Variants in MBNL3 observed in about 807,000 individuals in gnomAD.
The protein encoded by MBNL3 is muscleblind like splicing regulator 3.
In MBNL3, 6 loss-of-function variants were observed where a neutral mutation model predicts 24.5. That is an observed-to-expected ratio of 0.25 (90% CI 0.13 to 0.48). The LOEUF (loss-of-function observed/expected upper bound fraction) is 0.48. Ranked by LOEUF, MBNL3 falls within the 20% of genes least tolerant of loss-of-function variation. MBNL3 has a pLI of 0.99. For synonymous variants in MBNL3, 100 were observed against 101.7 expected, an observed-to-expected ratio of 0.98 and a Z score of 0.10; for missense variants, 230 against 293.5, an observed-to-expected ratio of 0.78 and a Z score of 1.58.
intron 1 of MBNL3, among the ~76,000 whole-genome samples, chrX:132,448,675 C>A (rs1418041208): frequency 9.0e-6 from 1 of 111,476 alleles, no homozygotes; most frequent in African/African-American, 3.3e-5. Context: ...TACTTGTCTT[C>A]TGCTAGCTTT....
rs1341861777 is a variant in MBNL3 at position 132,376,329 on chromosome X, A to G, written c.*3337T>C. 1 of 112,152 alleles carries G rather than the reference A, an allele frequency of 8.9e-6. No individual in the cohort carries two copies. Among genetic ancestry groups the G allele is most frequent in the Non-Finnish European group, 1.9e-5 (1 of 53,098 alleles). The allele number at this position is 112,152 out of a possible 1,213,427, so 9.2% of individuals were successfully genotyped here. ...ACAAAAGTAAATACTGTATTTAAAT[A>G]GCAATTTTATGAATCCATTTATTTT... On this transcript the variant is annotated 3_prime_UTR_variant, in exon 9 of 9. Transcript: ENST00000370853.
At chrX:132,480,823 C>T (rs1425445482) in intron 1 of MBNL3, among the ~76,000 whole-genome samples, 1 of 111,781 alleles carries the variant, frequency 8.9e-6, no homozygotes, top group Non-Finnish European at 1.9e-5. Flanking sequence ...TCAGCAATCA[C>T]TATTGTGTAA....
chrX:132,382,844 G>A lies in MBNL3; in HGVS notation c.959-572C>T, dbSNP rs191606064. Among the ~76,000 whole-genome samples, 6 of 111,830 alleles carry A rather than the reference G, an allele frequency of 5.4e-5. No homozygotes were observed. In the Admixed American group the frequency reaches 5.7e-4, roughly 11 times the overall value. On this transcript the variant is annotated intron_variant, in intron 7 of 8. Transcript: ENST00000370853. ...TAGACTGGTTGGTATGTGGTAGGGG[G>A]GCAGATATGAAGAATACAGTGGACT...
chrX:132,398,334 C>T (rs993943025), intron 3 of MBNL3, among the ~76,000 whole-genome samples: 2 of 111,481 alleles, frequency 1.8e-5, no homozygotes, highest in African/African-American at 6.5e-5. Flanking sequence ...AAATGATTGA[C>T]ACTTATAAGC....
chrX:132,432,180 A>G (rs1015692026), intron 2 of MBNL3: 2 of 111,600 alleles, frequency 1.8e-5, no homozygotes, highest in Non-Finnish European at 3.8e-5. Flanking sequence ...ATGTATATAT[A>G]TAATATCTAT....
At chrX:132,483,496 A>G (rs1298056649) in intron 1 of MBNL3, among the ~76,000 whole-genome samples, 1 of 112,290 alleles carries the variant, frequency 8.9e-6, no homozygotes, top group African/African-American at 3.2e-5. Flanking sequence ...AATATTCTAC[A>G]GGGTGCTTTT....
intron 5 of MBNL3, among the ~76,000 whole-genome samples, chrX:132,387,876 C>T (rs1476061447): frequency 8.9e-6 from 1 of 112,075 alleles, no homozygotes; most frequent in Non-Finnish European, 1.9e-5. Context: ...TTCATGTCTA[C>T]AGTTCTTTCA....
At chrX:132,427,466 A>G (rs1268280130) in intron 2 of MBNL3, among the ~76,000 whole-genome samples, 2 of 112,009 alleles carry the variant, frequency 1.8e-5, no homozygotes, top group African/African-American at 6.5e-5. Flanking sequence ...TAAGTGGAAC[A>G]ACTCCTAGGA....
At chrX:132,445,500 T>A (rs1042213019) in intron 1 of MBNL3, among the ~76,000 whole-genome samples, 2 of 111,480 alleles carry the variant, frequency 1.8e-5, no homozygotes, top group Non-Finnish European at 3.8e-5. Flanking sequence ...TTCATTAACT[T>A]TTTTTTAAAG....
intron 1 of MBNL3, among the ~76,000 whole-genome samples, chrX:132,441,021 T>C (rs1945364657): frequency 8.9e-6 from 1 of 112,504 alleles, no homozygotes; most frequent in East Asian, 2.8e-4. Flanking sequence ...TCTTTGTCTT[T>C]TCCATATTCA....
Position 132,375,469 on chromosome X carries a change from CAAA to C in MBNL3, c.*4194_*4196del, listed in dbSNP as rs1268128895. On this transcript the variant is annotated 3_prime_UTR_variant, in exon 9 of 9. Coordinates refer to ENST00000370853, the MANE Select transcript of MBNL3 (RefSeq NM_001386889.1). The stretch of plus-strand genomic sequence containing the variant: ...TAAATTGATTAGTTACTTAGAGCTA[CAAA>C]AAAGCAATAAAATGAAACCTTAAAG... 3.6e-5 allele frequency: 4 copies of C among 109,696 alleles called. No individual in the cohort carries two copies. The East Asian group carries it at 1.1e-3, about 31-fold the overall frequency. The allele number at this position is 109,696 out of a possible 1,213,427, so 9.0% of individuals were successfully genotyped here.
At chrX:132,474,513 C>T (rs567960505) in intron 1 of MBNL3, among the ~76,000 whole-genome samples, 38 of 111,283 alleles carry the variant, frequency 3.4e-4, no homozygotes, top group African/African-American at 1.2e-3. Flanking sequence ...CCTAATCCTC[C>T]ACCTTAAAGG....
intron 2 of MBNL3, among the ~76,000 whole-genome samples, chrX:132,422,521 CT>C (rs1205759856): frequency 8.9e-6 from 1 of 111,840 alleles, no homozygotes; most frequent in African/African-American, 3.2e-5. Context: ...CTCTCAGAGC[CT>C]TTTCTCAGCT....
intron 1 of MBNL3, among the ~76,000 whole-genome samples, chrX:132,469,210 T>A (rs1332039775): frequency 1.8e-5 from 2 of 112,466 alleles, no homozygotes; most frequent in Non-Finnish European, 3.8e-5. Flanking sequence ...TGTCTGCCCA[T>A]CTCCACCTCA....
At chrX:132,389,719 A>G (rs1289021026) in intron 5 of MBNL3, among the ~76,000 whole-genome samples, 1 of 111,273 alleles carries the variant, frequency 9.0e-6, no homozygotes, top group East Asian at 2.8e-4. Flanking sequence ...AAAAAGAAAG[A>G]CATAGCAAGC....
chrX:132,385,395 C>T (rs1935817035), intron 6 of MBNL3, among the ~76,000 whole-genome samples: 3 of 110,927 alleles, frequency 2.7e-5, no homozygotes, highest in Non-Finnish European at 5.7e-5. Flanking sequence ...GAATTCATTC[C>T]ACAGCTATAA....
At chrX:132,479,862 A>AGCCAAGTC (rs1227587616) in intron 1 of MBNL3, among the ~76,000 whole-genome samples, 2 of 111,562 alleles carry the variant, frequency 1.8e-5, no homozygotes, top group East Asian at 5.6e-4. Context: ...TAAAGGACCA[A>AGCCAAGTC]GCCAAGTCAT....
At chrX:132,471,776 GTTTA>G (rs915920874) in intron 1 of MBNL3, among the ~76,000 whole-genome samples, 2 of 111,716 alleles carry the variant, frequency 1.8e-5, no homozygotes, top group African/African-American at 6.4e-5. Flanking sequence ...ATGTTCCGAT[GTTTA>G]TTTGTGTGTG....
rs920958090 is a variant in MBNL3, at chrX:132,370,543, C to T, written c.*9123G>A. ...CTTAAGTAAAACATATTTCCCTTATCTATGCATGTAGGTGTCTGATATTTG... is the reference window on the plus strand; with the variant it reads ...CTTAAGTAAAACATATTTCCCTTATTTATGCATGTAGGTGTCTGATATTTG... On this transcript the variant is annotated 3_prime_UTR_variant, in exon 9 of 9. Transcript: ENST00000370853. The T allele has an allele frequency of 8.9e-6, 1 of 112,022 alleles. No homozygotes were observed. Among genetic ancestry groups the T allele is most frequent in the African/African-American group, 3.2e-5 (1 of 30,827 alleles). 9.2% of individuals were successfully genotyped at this position (112,022 alleles called of 1,213,427 possible). A position where few individuals can be genotyped will look rare whatever the true frequency, so the allele number is the denominator to read the frequency against.
Sources: allele counts gnomAD v4.1 joint callset (sites outside exome capture counted in the v4.1 genomes callset), GRCh38; gene constraint gnomAD v4.1.1; transcripts MANE v1.5; gene names NCBI Gene and HGNC (gene_info 2026-07-23, HGNC 2026-07-21).